The following NKAIN3 variants were observed in gnomAD, a reference collection of about 807,000 sequenced individuals.
The protein encoded by NKAIN3 is sodium/potassium transporting ATPase interacting 3.
NKAIN3 carries 25 observed loss-of-function variants against 30.2 expected under a neutral mutation model. The observed-to-expected ratio is 0.83, with a 90% CI of 0.60 to 1.16. NKAIN3 has a LOEUF of 1.16. NKAIN3 is among the 50% of genes most tolerant of loss of function. The probability of loss-of-function intolerance (pLI) is 0.00; values close to 1 mark genes in which losing one functional copy is unlikely to be tolerated. For missense variants in NKAIN3, 225 were observed against 254.1 expected, an observed-to-expected ratio of 0.89 and a Z score of 0.78; for synonymous variants, 91 against 89.6, an observed-to-expected ratio of 1.02 and a Z score of -0.09.
At chr8:62,650,367 G>A (rs1049425677) in intron 3 of NKAIN3, among the ~76,000 whole-genome samples, 2 of 152,034 alleles carry the variant, frequency 1.3e-5, no homozygotes, top group Admixed American at 6.6e-5. Flanking sequence ...GCTCCAATCC[G>A]TCATCAAGCA....
intron 1 of NKAIN3, among the ~76,000 whole-genome samples, chr8:62,486,784 A>G (rs988291248): frequency 1.3e-5 from 2 of 152,216 alleles, no homozygotes; most frequent in African/African-American, 4.8e-5. Context: ...AGTAAATGGC[A>G]ACTGGCAACA....
chr8:62,640,109 C>T (rs185347297), intron 3 of NKAIN3, among the ~76,000 whole-genome samples: 1 of 152,208 alleles, frequency 6.6e-6, no homozygotes. Context: ...AAGGTGGAAT[C>T]CCAAGGTTGT....
At chr8:62,913,364 C>A (rs1362115382) in intron 4 of NKAIN3, among the ~76,000 whole-genome samples, 1 of 152,212 alleles carries the variant, frequency 6.6e-6, no homozygotes, top group Non-Finnish European at 1.5e-5. Context: ...TCTGATGTCA[C>A]AACAGCTACA....
chr8:62,457,745 T>C (rs1484107212), intron 1 of NKAIN3, among the ~76,000 whole-genome samples: 1 of 152,204 alleles, frequency 6.6e-6, no homozygotes, highest in African/African-American at 2.4e-5. Flanking sequence ...CCTATTATAT[T>C]TTTAGTGCAT....
In NKAIN3 at chr8:62,996,289, G is replaced by A. The variant is rs544272144; in HGVS notation, c.533-2942G>A. 1.4e-3 allele frequency among the ~76,000 whole-genome samples: 207 copies of A among 152,276 alleles called. 1 individual carries two copies. Among genetic ancestry groups the A allele is most frequent in the African/African-American group, 4.7e-3 (196 of 41,556 alleles). On this transcript the variant is annotated intron_variant, in intron 5 of 5. Coordinates refer to the NKAIN3 transcript ENST00000519049. ...TGGTGGCAGGAGAGAGACAGAGTGC[G>A]CAGGGGAAAGCTGCCCCTTTTAAAA...
At chr8:62,369,620 A>G (rs1228592268) in intron 1 of NKAIN3, among the ~76,000 whole-genome samples, 2 of 152,060 alleles carry the variant, frequency 1.3e-5, no homozygotes, top group African/African-American at 4.8e-5. Context: ...TTGAGAGAAT[A>G]ATGAGAAATG....
intron 1 of NKAIN3, among the ~76,000 whole-genome samples, chr8:62,351,397 G>A (rs58020822): frequency 0.04 from 6,021 of 149,886 alleles, 426 homozygotes; most frequent in African/African-American, 0.14. Context: ...TATTATAATT[G>A]TTTACTCTTA....
intron 3 of NKAIN3, among the ~76,000 whole-genome samples, chr8:62,633,460 C>A (rs778567244): frequency 1.5e-4 from 23 of 152,056 alleles, no homozygotes; most frequent in Non-Finnish European, 3.2e-4. Flanking sequence ...CAGTAAAATA[C>A]AATAGTAACA....
At chr8:62,919,911 T>G (rs928632413) in intron 5 of NKAIN3, among the ~76,000 whole-genome samples, 3 of 152,258 alleles carry the variant, frequency 2.0e-5, no homozygotes, top group Middle Eastern at 3.4e-3. Context: ...ACAGAGTTTT[T>G]TTTTTTTTTT....
rs1159723578 is a variant in NKAIN3, at chr8:62,792,184, A to G, written c.471+45055A>G. Among the ~76,000 whole-genome samples the G allele has an allele frequency of 5.3e-5, 8 of 152,250 alleles. No individual in the cohort carries two copies. The South Asian group carries it at 1.2e-3, about 24-fold the overall frequency. On this transcript the variant is annotated intron_variant, in intron 4 of 6. Transcript: ENST00000623646. ...TCTTCCTGTCTTCCTTTCTGCATCT[A>G]TGCAGCCACTGCCTTAATTTAAGCT...
intron 1 of NKAIN3, among the ~76,000 whole-genome samples, chr8:62,463,585 C>G (rs542893520): frequency 6.6e-6 from 1 of 152,142 alleles, no homozygotes; most frequent in South Asian, 2.1e-4. Context: ...CTCCTTGCCA[C>G]TAAAGCTGAA....
At chr8:62,305,388 G>A (rs540711936) in intron 1 of NKAIN3, among the ~76,000 whole-genome samples, 2 of 150,458 alleles carry the variant, frequency 1.3e-5, no homozygotes, top group Non-Finnish European at 2.9e-5. Flanking sequence ...ATTTTGACAA[G>A]GTCCTACTGC....
chr8:62,802,895 G>A (rs1237320688), intron 4 of NKAIN3, among the ~76,000 whole-genome samples: 1 of 152,084 alleles, frequency 6.6e-6, no homozygotes, highest in Non-Finnish European at 1.5e-5. Flanking sequence ...ACACACATAG[G>A]CTCAAAATAA....
intron 1 of NKAIN3, among the ~76,000 whole-genome samples, chr8:62,536,244 T>C (rs752994288): frequency 1.3e-5 from 2 of 152,142 alleles, no homozygotes; most frequent in Admixed American, 6.5e-5. Flanking sequence ...AAATTTATTA[T>C]AATAATTACT....
intron 3 of NKAIN3, among the ~76,000 whole-genome samples, chr8:62,638,693 C>G (rs993486238): frequency 6.6e-6 from 1 of 151,970 alleles, no homozygotes; most frequent in African/African-American, 2.4e-5. Flanking sequence ...TTAATACTTA[C>G]AAAAAAAGCC....
chr8:62,730,863 A>C (rs546401467), intron 3 of NKAIN3, among the ~76,000 whole-genome samples: 7 of 152,152 alleles, frequency 4.6e-5, no homozygotes, highest in Admixed American at 3.3e-4. Context: ...AACAATTGAG[A>C]TTTTCTGCGT....
intron 3 of NKAIN3, among the ~76,000 whole-genome samples, chr8:62,686,463 GT>G (rs1350814859): frequency 6.6e-6 from 1 of 152,136 alleles, no homozygotes; most frequent in East Asian, 1.9e-4. Context: ...AAAAAAAAGT[GT>G]TTTTAGAGAA....
intron 1 of NKAIN3, among the ~76,000 whole-genome samples, chr8:62,500,419 AGAAAG>A (rs1350465905): frequency 7.0e-6 from 1 of 142,676 alleles, no homozygotes; most frequent in Non-Finnish European, 1.5e-5. Context: ...ATAAGAAGGA[AGAAAG>A]GAAAGAAAGA....
intron 1 of NKAIN3, among the ~76,000 whole-genome samples, chr8:62,366,223 CTTTTTTT>C (rs71255329): frequency 1.5e-5 from 2 of 129,582 alleles, no homozygotes; most frequent in Admixed American, 7.5e-5. Context: ...ATTCTGTTTC[CTTTTTTT>C]TTTTTTTTTT....
Sources: gnomAD v4.1 joint callset for allele counts (sites outside exome capture counted in the v4.1 genomes callset) on GRCh38, gnomAD v4.1.1 for gene constraint, MANE v1.5 for transcripts, NCBI Gene and HGNC (gene_info 2026-07-23, HGNC 2026-07-21) for gene names.